The following CCSER1 variants were observed in gnomAD, a reference collection of about 807,000 sequenced individuals.
CCSER1 encodes the protein serine-rich coiled-coil domain-containing protein 1.
CCSER1 carries 41 observed loss-of-function variants against 82.0 expected under a neutral mutation model. The ratio of observed to expected loss-of-function variants is 0.50; its 90% CI spans 0.39 to 0.65. The LOEUF (loss-of-function observed/expected upper bound fraction) is 0.65, where lower values mean the gene tolerates loss of function less well. CCSER1 is among the 30% of genes least tolerant of loss of function. CCSER1 has a pLI of 0.00. For missense variants in CCSER1, 1,119 were observed against 1,064.2 expected (o/e 1.05, Z -0.72); for synonymous variants, 414 against 383.9 (o/e 1.08, Z -0.92).
chr4:90,142,058 C>G (rs1724890475), intron 1 of CCSER1, among the ~76,000 whole-genome samples: 1 of 152,120 alleles, frequency 6.6e-6, no homozygotes, highest in African/African-American at 2.4e-5. Flanking sequence ...TTTACTGGCT[C>G]TAAATAGGTA....
intron 10 of CCSER1, among the ~76,000 whole-genome samples, chr4:91,125,735 T>A (rs2148898810): frequency 6.6e-6 from 1 of 151,742 alleles, no homozygotes; most frequent in Non-Finnish European, 1.5e-5. Flanking sequence ...GGGTATACAT[T>A]TTCAACTTTA....
intron 10 of CCSER1, among the ~76,000 whole-genome samples, chr4:91,492,478 G>A (rs1015407538): frequency 6.6e-5 from 10 of 152,198 alleles, no homozygotes; most frequent in Admixed American, 4.6e-4. Context: ...CCAGGTCTCT[G>A]AAGAGCAACC....
At chr4:90,821,895 G>A (rs1257478132) in intron 8 of CCSER1, among the ~76,000 whole-genome samples, 1 of 152,056 alleles carries the variant, frequency 6.6e-6, no homozygotes, top group Non-Finnish European at 1.5e-5. Flanking sequence ...TGAGATATTT[G>A]TCATAAATGT....
chr4:90,839,117 C>T, intron 8 of CCSER1: 2 of 1,033,030 alleles, frequency 1.9e-6, no homozygotes, highest in Admixed American at 2.0e-5. Context: ...CGAGTTGTCG[C>T]CATAATATTT....
intron 9 of CCSER1, among the ~76,000 whole-genome samples, chr4:91,083,976 T>C (rs1348398536): frequency 1.3e-5 from 2 of 152,134 alleles, no homozygotes; most frequent in South Asian, 2.1e-4. Flanking sequence ...ACAAGCTTTA[T>C]GAAAACAATA....
At chr4:91,579,306 A>T (rs548484104) in intron 10 of CCSER1, among the ~76,000 whole-genome samples, 32 of 151,488 alleles carry the variant, frequency 2.1e-4, no homozygotes, top group African/African-American at 7.0e-4. Flanking sequence ...AATGGTGGGG[A>T]TAGGACTCCT....
intron 10 of CCSER1, among the ~76,000 whole-genome samples, chr4:91,288,985 A>G (rs1743538777): frequency 2.0e-5 from 3 of 152,214 alleles, no homozygotes; most frequent in South Asian, 4.1e-4. Flanking sequence ...ACAATGGGAT[A>G]TGACTAGGAA....
intron 10 of CCSER1, among the ~76,000 whole-genome samples, chr4:91,466,736 A>G (rs1422831837): frequency 2.0e-5 from 3 of 152,190 alleles, no homozygotes; most frequent in Non-Finnish European, 4.4e-5. Context: ...CCAAATCATA[A>G]GTGAACTCCC....
At chr4:91,128,582 A>G (rs943958398) in intron 10 of CCSER1, among the ~76,000 whole-genome samples, 8 of 152,112 alleles carry the variant, frequency 5.3e-5, no homozygotes, top group African/African-American at 1.9e-4. Context: ...AAAATCAGGA[A>G]ATTATGATTG....
intron 9 of CCSER1, among the ~76,000 whole-genome samples, chr4:91,069,028 G>T (rs572331487): frequency 3.9e-5 from 6 of 152,184 alleles, no homozygotes; most frequent in East Asian, 3.9e-4. Flanking sequence ...ACAAAAATTA[G>T]CTGGGTGCGG....
chr4:91,109,360 C>T (rs1360621716), intron 10 of CCSER1, among the ~76,000 whole-genome samples: 1 of 152,042 alleles, frequency 6.6e-6, no homozygotes, highest in African/African-American at 2.4e-5. Flanking sequence ...TACCCACCAC[C>T]TTATCTAACC....
chr4:90,475,422 G>C (rs1764936140), intron 5 of CCSER1, among the ~76,000 whole-genome samples: 1 of 152,190 alleles, frequency 6.6e-6, no homozygotes, highest in African/African-American at 2.4e-5. Flanking sequence ...CATGGTGAAA[G>C]CTGTTGCCTA....
intron 10 of CCSER1, among the ~76,000 whole-genome samples, chr4:91,200,579 TG>T (rs747226874): frequency 2.2e-4 from 34 of 152,054 alleles, no homozygotes; most frequent in Non-Finnish European, 1.3e-4. Context: ...ACTGAAAACT[TG>T]GTACTTTAAT....
At chr4:91,284,693 A>T (rs1743143756) in intron 10 of CCSER1, among the ~76,000 whole-genome samples, 1 of 152,086 alleles carries the variant, frequency 6.6e-6, no homozygotes, top group African/African-American at 2.4e-5. Flanking sequence ...TACCTCCATT[A>T]TAGACTGCTA....
chr4:91,146,735 G>C (rs192033171), intron 10 of CCSER1, among the ~76,000 whole-genome samples: 101 of 152,124 alleles, frequency 6.6e-4, no homozygotes, highest in Non-Finnish European at 1.1e-3. Context: ...GGTTTTTTAC[G>C]TTGATAGTTT....
chr4:90,517,077 C>T (rs2062127718), intron 5 of CCSER1, among the ~76,000 whole-genome samples: 1 of 152,160 alleles, frequency 6.6e-6, no homozygotes, highest in African/African-American at 2.4e-5. Flanking sequence ...ACCTGCCAAA[C>T]ATCATAGCTT....
chr4:91,401,552 C>T (rs1236261341), intron 10 of CCSER1, among the ~76,000 whole-genome samples: 2 of 152,006 alleles, frequency 1.3e-5, no homozygotes, highest in Non-Finnish European at 2.9e-5. Flanking sequence ...TCCCCCCTCC[C>T]CCAACCCCAT....
intron 5 of CCSER1, among the ~76,000 whole-genome samples, chr4:90,485,520 C>G (rs953316161): frequency 2.1e-5 from 2 of 94,428 alleles, no homozygotes; most frequent in East Asian, 5.9e-4. Context: ...TTGGCTCCAC[C>G]CCCCCCCCCC....
At chr4:90,818,389 T>C (rs554215466) in intron 8 of CCSER1, among the ~76,000 whole-genome samples, 2 of 151,908 alleles carry the variant, frequency 1.3e-5, no homozygotes, top group African/African-American at 2.4e-5. Flanking sequence ...GCGATTCTCT[T>C]GCCTCAGCCT....
Sources: gnomAD v4.1 joint callset for allele counts (sites outside exome capture counted in the v4.1 genomes callset) on GRCh38, gnomAD v4.1.1 for gene constraint, MANE v1.5 for transcripts, NCBI Gene and HGNC (gene_info 2026-07-23, HGNC 2026-07-21) for gene names.